NEBL: variants seen among roughly 807,000 people sequenced by gnomAD.
The protein encoded by NEBL is LIM and SH3 protein 2.
In NEBL, 122 loss-of-function variants were observed where a neutral mutation model predicts 140.2. The ratio of observed to expected loss-of-function variants is 0.87; its 90% confidence interval spans 0.75 to 1.01. NEBL has a LOEUF of 1.01. Ranked by LOEUF, NEBL falls within the 50% of genes least tolerant of loss-of-function variation. NEBL has a pLI of 0.00. For missense variants in NEBL, 1,365 were observed against 1,231.3 expected, an observed-to-expected ratio of 1.11 and a Z score of -1.62; for synonymous variants, 436 against 398.9, an observed-to-expected ratio of 1.09 and a Z score of -1.11.
chr10:20,889,799 A>C, intron 3 of NEBL, 46 bp downstream of exon 3: 2 of 1,149,428 alleles, frequency 1.7e-6, no homozygotes, highest in African/African-American at 1.5e-5. Context: ...CTATATAATA[A>C]GAAAAAGATA....
At chr10:20,961,543 A>G (rs544475140) in intron 4 of NEBL, 15 of 762,154 alleles carry the variant, frequency 2.0e-5, no homozygotes, top group Admixed American at 1.1e-4. Flanking sequence ...AAATTGGCAT[A>G]GTCTATGCGT....
chr10:20,884,731 G>C (rs1846329497), intron 4 of NEBL, among the ~76,000 whole-genome samples: 2 of 152,342 alleles, frequency 1.3e-5, no homozygotes, highest in South Asian at 4.1e-4. Context: ...ATGAAACATA[G>C]ACTCTCATTA....
rs186684955 is a variant in NEBL at position 21,151,705 on chromosome 10, C to T, written c.164+20678G>A. Among the ~76,000 whole-genome samples the T allele has an allele frequency of 1.9e-3, 288 of 151,476 alleles. 1 individual carries two copies. The highest frequency in any genetic ancestry group is 3.0e-3 in the Non-Finnish European group (203 of 68,008). ...TCCTGCCTGGATTGCTTTTCCCACA[C>T]GCCCCAGGTTCACTCCGTGCCCTTG... is the stretch of plus-strand genomic sequence containing the variant. On this transcript the variant is annotated intron_variant, in intron 2 of 6. Transcript: ENST00000417816.
At chr10:20,969,145 C>T (rs552613284) in intron 3 of NEBL, among the ~76,000 whole-genome samples, 5 of 151,716 alleles carry the variant, frequency 3.3e-5, no homozygotes, top group East Asian at 3.9e-4. Flanking sequence ...ATTAAACAGT[C>T]GAAAGGAAAA....
intron 4 of NEBL, among the ~76,000 whole-genome samples, chr10:20,938,508 T>C (rs1461627266): frequency 6.6e-6 from 1 of 152,078 alleles, no homozygotes; most frequent in East Asian, 1.9e-4. Flanking sequence ...GCAGAAAAGC[T>C]GAAAATTCTA....
At chr10:20,952,998 T>C (rs1835578132) in intron 4 of NEBL, among the ~76,000 whole-genome samples, 1 of 151,704 alleles carries the variant, frequency 6.6e-6, no homozygotes, top group East Asian at 1.9e-4. Context: ...ATATTATAAT[T>C]ATGTGACACT....
chr10:21,147,568 G>T (rs1291560669), intron 2 of NEBL, among the ~76,000 whole-genome samples: 1 of 152,158 alleles, frequency 6.6e-6, no homozygotes, highest in Non-Finnish European at 1.5e-5. Flanking sequence ...ATGAAGAGTA[G>T]TGTAAGTTTC....
intron 26 of NEBL, chr10:20,793,199 G>T (rs893661754): frequency 1.3e-5 from 3 of 222,746 alleles, no homozygotes; most frequent in Non-Finnish European, 1.5e-5. Flanking sequence ...AGAATACCCA[G>T]ACTTCAATAT....
intron 2 of NEBL, chr10:21,030,600 A>T: frequency 1.6e-6 from 1 of 614,068 alleles, no homozygotes; most frequent in East Asian, 4.0e-5. Flanking sequence ...GGGGAAAAGT[A>T]ACTCCAGCTC....
chr10:21,056,623 C>T (rs1429747261), intron 2 of NEBL, among the ~76,000 whole-genome samples: 4 of 152,190 alleles, frequency 2.6e-5, no homozygotes, highest in Admixed American at 1.3e-4. Flanking sequence ...AACTCTTGCA[C>T]ATGTACACCC....
At chr10:21,069,823 C>T (rs1474720160) in intron 2 of NEBL, 1 of 357,484 alleles carries the variant, frequency 2.8e-6, no homozygotes, top group African/African-American at 2.1e-5. Context: ...CATTATCTAA[C>T]TGTATCTAAT....
chr10:20,787,874 A>G (rs950243358), intron 26 of NEBL, among the ~76,000 whole-genome samples: 57 of 152,328 alleles, frequency 3.7e-4, no homozygotes, highest in African/African-American at 1.3e-3. Flanking sequence ...GAATATATGA[A>G]GTCTTTGTTT....
In NEBL at chr10:20,869,489, T is replaced by C. The variant is rs558549086; in HGVS notation, c.582+251A>G. 9.2e-5 allele frequency among the ~76,000 whole-genome samples: 14 copies of C among 152,302 alleles called. No homozygotes were observed. The South Asian group carries it at 2.9e-3, about 32-fold the overall frequency. ...GCTGAGACATCTGAATGTCAATTTA[T>C]ACCTAAATAGTATTTATTTCTCTAA... On this transcript the variant is annotated intron_variant, in intron 6 of 27. Coordinates refer to ENST00000377122, the MANE Select transcript of NEBL (RefSeq NM_006393.3).
intron 3 of NEBL, among the ~76,000 whole-genome samples, chr10:20,984,622 G>A (rs766747875): frequency 1.3e-5 from 2 of 151,994 alleles, no homozygotes; most frequent in Non-Finnish European, 2.9e-5. Flanking sequence ...TACAGAAGGA[G>A]CCCTGAAAAG....
Position 20,812,834 on chromosome 10 carries a change from T to A in NEBL, c.2453A>T (p.Asp818Val). 1 of 1,614,026 alleles carries A rather than the reference T, an allele frequency of 6.2e-7. No individual in the cohort carries two copies. The highest frequency in any genetic ancestry group is 8.5e-7 in the Non-Finnish European group (1 of 1,179,940). The change falls in exon 24 of 28, where the codon GAT (aspartate) becomes GTT (valine). Residue 818 changes from aspartate to valine, a missense_variant. Coordinates refer to ENST00000377122, the MANE Select transcript of NEBL (RefSeq NM_006393.3). ...RVRKNTQVVS[D>V]AAYKGVHPHI... ...AGGGTGGACCCCTTTATAGGCAGCA[T>A]CGCTGACCACCTGGGTGTTCTTCCT...
At chr10:21,288,830 A>G (rs1295247302) in intron 1 of NEBL, among the ~76,000 whole-genome samples, 1,158 of 76,546 alleles carry the variant, frequency 0.015, 76 homozygotes, top group Middle Eastern at 0.03. Context: ...GTATATATAT[A>G]TATATATATA....
At chr10:21,091,029 C>G (rs1312934965) in intron 2 of NEBL, among the ~76,000 whole-genome samples, 2 of 152,072 alleles carry the variant, frequency 1.3e-5, no homozygotes, top group Non-Finnish European at 2.9e-5. Context: ...ATTTTGATTC[C>G]TCCCTCTCCT....
At chr10:20,867,345 G>T (rs1045482174) in intron 7 of NEBL, among the ~76,000 whole-genome samples, 4 of 152,186 alleles carry the variant, frequency 2.6e-5, no homozygotes, top group Admixed American at 2.6e-4. Flanking sequence ...TCTTCAATCA[G>T]ACTTCATACC....
intron 2 of NEBL, among the ~76,000 whole-genome samples, chr10:21,139,567 T>A (rs1191390361): frequency 1.3e-5 from 2 of 152,162 alleles, no homozygotes; most frequent in Admixed American, 1.3e-4. Context: ...ATAGCAATGA[T>A]GAAATGGATT....
Sources: allele counts gnomAD v4.1 joint callset (sites outside exome capture counted in the v4.1 genomes callset), GRCh38; gene constraint gnomAD v4.1.1; transcripts MANE v1.5; gene names NCBI Gene and HGNC (gene_info 2026-07-23, HGNC 2026-07-21).